DUSP29: variants seen among roughly 807,000 people sequenced by gnomAD.
The protein encoded by DUSP29 is atypical dual-specific protein phosphatase.
In DUSP29, 12 loss-of-function variants were observed where a neutral mutation model predicts 13.5. The observed-to-expected ratio is 0.89, with a 90% confidence interval of 0.57 to 1.44. The LOEUF is 1.44. DUSP29 is among the 40% of genes most tolerant of loss of function. The pLI is 0.00. For synonymous variants in DUSP29, 134 were observed against 128.7 expected, an observed-to-expected ratio of 1.04 and a Z score of -0.28; for missense variants, 308 against 301.1, an observed-to-expected ratio of 1.02 and a Z score of -0.17.
At chr10:75,062,655 C>T (rs1437508958) in intron 1 of DUSP29, among the ~76,000 whole-genome samples, 7 of 152,176 alleles carry the variant, frequency 4.6e-5, no homozygotes, top group South Asian at 4.1e-4. Context: ...ATCCTGAAGG[C>T]GGCCTGTGTG....
At chr10:75,039,378 C>T (rs1309658954) in intron 3 of DUSP29, among the ~76,000 whole-genome samples, 2 of 152,134 alleles carry the variant, frequency 1.3e-5, no homozygotes, top group Non-Finnish European at 2.9e-5. Flanking sequence ...ATTAGCCAGT[C>T]GTGGTGGTGC....
chr10:75,061,322 A>G (rs1847084060), intron 1 of DUSP29, among the ~76,000 whole-genome samples: 1 of 152,166 alleles, frequency 6.6e-6, no homozygotes, highest in South Asian at 2.1e-4. Context: ...GCTAGCCATG[A>G]GTGTCTGTAG....
At chr10:75,061,367 A>G (rs1343740248) in intron 1 of DUSP29, among the ~76,000 whole-genome samples, 1 of 152,156 alleles carries the variant, frequency 6.6e-6, no homozygotes, top group Non-Finnish European at 1.5e-5. Flanking sequence ...GACTTCCTCC[A>G]ACAACTTCCT....
rs144487586 is a variant in DUSP29, at chr10:75,043,937, A to C, written c.281T>G (p.Val94Gly). The change falls in exon 3 of 4, where the codon GTG becomes GGG. Residue 94 changes from valine (V) to glycine (G), a missense_variant. Val to Gly is a moderately radical substitution (Grantham distance 109, BLOSUM62 -3). Transcript: ENST00000338487. ...GCGGTAGTAGTCGGGCCCAGTGTCC[A>C]CGTTCCAGCGGCCGTGGGCCGCGTT... ...VLNAAHGRWN[V>G]DTGPDYYRDM... 18 of 1,613,622 alleles carry C rather than the reference A, an allele frequency of 1.1e-5. No homozygotes were observed. The highest frequency in any genetic ancestry group is 1.5e-5 in the Non-Finnish European group (18 of 1,179,936).
chr10:75,061,814 A>T (rs1488263069), intron 1 of DUSP29, among the ~76,000 whole-genome samples: 1 of 152,096 alleles, frequency 6.6e-6, no homozygotes, highest in African/African-American at 2.4e-5. Flanking sequence ...CTCAGGAGAT[A>T]TGGGTTGGAT....
intron 1 of DUSP29, among the ~76,000 whole-genome samples, chr10:75,058,954 T>C (rs939898152): frequency 6.6e-6 from 1 of 152,350 alleles, no homozygotes; most frequent in Middle Eastern, 3.4e-3. Context: ...AGAAGATTCC[T>C]GACATTCCAG....
chr10:75,039,273 T>G (rs1162884928), intron 3 of DUSP29, among the ~76,000 whole-genome samples: 3 of 152,170 alleles, frequency 2.0e-5, no homozygotes, highest in African/African-American at 7.2e-5. Flanking sequence ...ATACCTATGC[T>G]TGCAGGTCCT....
chr10:75,050,053 C>G (rs1846793738), intron 2 of DUSP29, among the ~76,000 whole-genome samples: 1 of 152,224 alleles, frequency 6.6e-6, no homozygotes, highest in Non-Finnish European at 1.5e-5. Flanking sequence ...GGCACTGGCT[C>G]TCCGACACCC....
intron 3 of DUSP29, among the ~76,000 whole-genome samples, chr10:75,041,594 G>A (rs577360878): frequency 3.3e-5 from 5 of 152,256 alleles, no homozygotes; most frequent in South Asian, 2.1e-4. Flanking sequence ...CAGGGTAGGC[G>A]TTTGAGCCCT....
chr10:75,049,597 C>T (rs757264228), intron 2 of DUSP29, among the ~76,000 whole-genome samples: 63 of 152,234 alleles, frequency 4.1e-4, no homozygotes, highest in Middle Eastern at 3.2e-3. Context: ...TTTCAGGTAA[C>T]GCCCAGCATG....
intron 2 of DUSP29, among the ~76,000 whole-genome samples, chr10:75,045,765 G>T (rs1188552328): frequency 6.6e-6 from 1 of 152,152 alleles, no homozygotes; most frequent in Non-Finnish European, 1.5e-5. Context: ...CAAGTGTGGT[G>T]GAAGTCTGCT....
intron 1 of DUSP29, among the ~76,000 whole-genome samples, chr10:75,071,138 T>A (rs1348274774): frequency 6.6e-6 from 1 of 152,250 alleles, no homozygotes; most frequent in Non-Finnish European, 1.5e-5. Flanking sequence ...TTCTGGCCTC[T>A]GCCCCTGTTT....
chr10:75,042,799 C>A (rs915932636), intron 3 of DUSP29, among the ~76,000 whole-genome samples: 11 of 152,212 alleles, frequency 7.2e-5, no homozygotes, highest in Admixed American at 5.9e-4. Context: ...CCTCTTGTGG[C>A]AAGAAAGGCT....
At position 75,039,879 on chromosome 10, in the gene DUSP29, C is replaced by A. The variant is rs536056716; in HGVS notation, c.422-1802G>T. Among the ~76,000 whole-genome samples the A allele has an allele frequency of 2.0e-5, 3 of 152,196 alleles. No individual in the cohort carries two copies. In the South Asian group the frequency reaches 6.2e-4, roughly 32 times the overall value. ...GCTGGAGGGAGATAGGGCAAGAGAC[C>A]CTTCCAACAGTGAAAATCGGCTGGG... On this transcript the variant is annotated intron_variant, in intron 3 of 3. Transcript: ENST00000338487.
chr10:75,045,381 A>AATGAG (rs10637484), intron 2 of DUSP29, among the ~76,000 whole-genome samples: 2 of 151,984 alleles, frequency 1.3e-5, no homozygotes, highest in African/African-American at 4.8e-5. Context: ...AAACAAAAGA[A>AATGAG]CAGGTTAGTG....
intron 2 of DUSP29, among the ~76,000 whole-genome samples, chr10:75,049,432 G>A (rs944267363): frequency 1.3e-5 from 2 of 152,198 alleles, no homozygotes; most frequent in African/African-American, 2.4e-5. Flanking sequence ...CAAGGAGATG[G>A]TTTATGTTGC....
intron 2 of DUSP29, among the ~76,000 whole-genome samples, chr10:75,051,011 G>C (rs1421452608): frequency 6.6e-6 from 1 of 152,202 alleles, no homozygotes; most frequent in East Asian, 1.9e-4. Context: ...GAGCTAACCT[G>C]GGATGGAGAA....
intron 1 of DUSP29, among the ~76,000 whole-genome samples, chr10:75,062,046 G>T (rs974647551): frequency 1.3e-5 from 2 of 152,164 alleles, no homozygotes; most frequent in African/African-American, 4.8e-5. Flanking sequence ...CTCTATTCTG[G>T]GGCCTGCCTG....
intron 3 of DUSP29, 149 bp downstream of exon 3, chr10:75,043,648 C>T: frequency 1.2e-6 from 1 of 800,714 alleles, no homozygotes; most frequent in Non-Finnish European, 1.9e-6. Flanking sequence ...GCCTGGGCCT[C>T]AGACGGGGAA....
Sources: allele counts gnomAD v4.1 joint callset (sites outside exome capture counted in the v4.1 genomes callset), GRCh38; gene constraint gnomAD v4.1.1; transcripts MANE v1.5; gene names NCBI Gene and HGNC (gene_info 2026-07-23, HGNC 2026-07-21).